TTLL7: variants seen among roughly 807,000 people sequenced by gnomAD.
TTLL7 encodes tubulin tyrosine ligase like 7.
Under a neutral mutation model 120.2 loss-of-function variants are expected in TTLL7, and 53 were observed. The ratio of observed to expected loss-of-function variants is 0.44; its 90% CI spans 0.35 to 0.55. The LOEUF (loss-of-function observed/expected upper bound fraction) is 0.55, where lower values mean the gene tolerates loss of function less well. TTLL7 is among the 20% of genes least tolerant of loss of function. The pLI is 0.00. For synonymous variants in TTLL7, 353 were observed against 351.7 expected, an observed-to-expected ratio of 1.00 and a Z score of -0.04; for missense variants, 803 against 1,054.7, an observed-to-expected ratio of 0.76 and a Z score of 3.31.
At chr1:83,951,271 C>A (rs1344435302) in intron 3 of TTLL7, among the ~76,000 whole-genome samples, 1 of 151,914 alleles carries the variant, frequency 6.6e-6, no homozygotes, top group African/African-American at 2.4e-5. Context: ...ATGGCGTGAA[C>A]CCGGGAGACG....
At chr1:83,956,009 A>G (rs1467032618) in intron 1 of TTLL7, among the ~76,000 whole-genome samples, 1 of 152,170 alleles carries the variant, frequency 6.6e-6, no homozygotes, top group Non-Finnish European at 1.5e-5. Context: ...ACAAACAACC[A>G]ATCAATTCAT....
chr1:83,975,842 T>C (rs1300357442), intron 1 of TTLL7, among the ~76,000 whole-genome samples: 3 of 152,152 alleles, frequency 2.0e-5, no homozygotes, highest in Non-Finnish European at 4.4e-5. Flanking sequence ...TACAGATTTT[T>C]GTTTCTGTTT....
chr1:83,984,527 G>A (rs1040736552), intron 1 of TTLL7, among the ~76,000 whole-genome samples: 1 of 152,158 alleles, frequency 6.6e-6, no homozygotes, highest in African/African-American at 2.4e-5. Flanking sequence ...ATCAACCGAG[G>A]TGCCCATCAA....
chr1:83,892,370 GAA>G lies in TTLL7; in HGVS notation c.2209-1891_2209-1890del, dbSNP rs1491555742. 2.8e-3 allele frequency among the ~76,000 whole-genome samples: 314 copies of G among 114,166 alleles called. 8 individuals are homozygous for G. Among genetic ancestry groups the G allele is most frequent in the African/African-American group, 8.7e-3 (242 of 27,712 alleles). The allele number at this position is 114,166 out of a possible 152,430, so 74.9% of individuals were successfully genotyped here. On this transcript the variant is annotated intron_variant, in intron 18 of 20. Transcript: ENST00000260505. Reference sequence around the variant, plus strand: ...TACGAATATATATGAATATATATACGAATATATATGAATATATATACGAATAT... The same window carrying G: ...TACGAATATATATGAATATATATACGTATATATGAATATATATACGAATAT...
rs1449530960 is a variant in TTLL7 at position 83,937,960 on chromosome 1, A to G, written c.780T>C (p.Phe260=). 2 of 1,614,090 alleles carry G rather than the reference A, an allele frequency of 1.2e-6. No homozygotes were observed. Residue 260 remains phenylalanine (F), a synonymous_variant, in exon 8 of 21, where the codon TTT becomes TTC. Coordinates refer to ENST00000260505, the MANE Select transcript of TTLL7 (RefSeq NM_024686.6). ...CTTTGTTCTCAGTTTCATCCCGTTC[A>G]AAATGCTCATTATGCTTGTTCACGG... The part of the protein sequence containing the change: ...NYSVNKHNEH[F]ERDETENKGS...
At chr1:83,953,224 G>A (rs949632206) in intron 1 of TTLL7, among the ~76,000 whole-genome samples, 11 of 152,130 alleles carry the variant, frequency 7.2e-5, no homozygotes, top group African/African-American at 2.2e-4. Context: ...ATATATGAAC[G>A]TAGGCATTTA....
At chr1:83,872,966 G>C (rs12123323) in intron 20 of TTLL7, among the ~76,000 whole-genome samples, 4,523 of 152,258 alleles carry the variant, frequency 0.03, 79 homozygotes, top group Middle Eastern at 0.082. Context: ...ATACAGGCTA[G>C]CTCCAGCAGC....
rs945428800 is a variant in TTLL7, at chr1:83,992,038, G to A, written c.-177+6893C>T. 3.9e-5 allele frequency among the ~76,000 whole-genome samples: 6 copies of A among 152,194 alleles called. 1 individual carries two copies. Among genetic ancestry groups the A allele is most frequent in the Middle Eastern group, 6.8e-3 (2 of 294 alleles). The stretch of plus-strand genomic sequence containing the variant: ...GTCAAGGATGAAAATAGGTCTTGAT[G>A]CATATTATATACTCAAGATAAATGT... On this transcript the variant is annotated intron_variant, in intron 1 of 20. Coordinates refer to ENST00000260505, the MANE Select transcript of TTLL7 (RefSeq NM_024686.6).
chr1:83,879,307 C>G (rs549762852), intron 20 of TTLL7, among the ~76,000 whole-genome samples: 1 of 151,990 alleles, frequency 6.6e-6, no homozygotes, highest in African/African-American at 2.4e-5. Flanking sequence ...CTTCTCTTCA[C>G]TCCTTGTGTT....
At chr1:83,984,470 G>A (rs1301390386) in intron 1 of TTLL7, among the ~76,000 whole-genome samples, 2 of 152,188 alleles carry the variant, frequency 1.3e-5, no homozygotes, top group Non-Finnish European at 2.9e-5. Context: ...ACATGCACTT[G>A]TATAATATGT....
intron 1 of TTLL7, among the ~76,000 whole-genome samples, chr1:83,985,648 G>A (rs927236349): frequency 1.3e-5 from 2 of 151,952 alleles, no homozygotes; most frequent in African/African-American, 2.4e-5. Flanking sequence ...CCAGGAGTTC[G>A]AGACCAACCT....
rs756018238 is a variant in TTLL7, at chr1:83,921,388, A to G, written c.1149T>C (p.Ser383=). ...NALKLLNIRT[S]DKRRNLAKQK... ...GTTTGGCCAAGTTTCTTCTTTTGTC[A>G]CTGGTCCTAAAATATAAAACATAAG... is the stretch of plus-strand genomic sequence containing the variant. The change falls in exon 11 of 21, where the codon AGT becomes AGC. Residue 383 remains serine (S), a synonymous_variant. Transcript: ENST00000260505. The G allele has an allele frequency of 6.2e-7, 1 of 1,610,880 alleles. No homozygotes were observed.
intron 12 of TTLL7, among the ~76,000 whole-genome samples, chr1:83,920,344 G>A (rs1467523551): frequency 6.6e-6 from 1 of 152,044 alleles, no homozygotes; most frequent in Non-Finnish European, 1.5e-5. Context: ...TACTGCAGGA[G>A]TGTTTTTACT....
intron 20 of TTLL7, 94 bp from the exon 21 acceptor site, chr1:83,870,176 G>C (rs747378055): frequency 8.4e-7 from 1 of 1,193,040 alleles, no homozygotes; most frequent in Non-Finnish European, 1.1e-6. Context: ...TAGTCTATAT[G>C]AGAAATGTTA....
chr1:83,959,150 G>T lies in TTLL7; in HGVS notation c.-176-6763C>A, dbSNP rs554058040. 9.1e-4 allele frequency among the ~76,000 whole-genome samples: 138 copies of T among 152,314 alleles called. 1 individual carries two copies. The South Asian group carries it at 0.019, about 21-fold the overall frequency. ...CTGAACTTGAGCATCAGTATCATCT[G>T]CAAACTTCTTAGAAATGCATATTCT... On this transcript the variant is annotated intron_variant, in intron 1 of 20. Coordinates refer to ENST00000260505, the MANE Select transcript of TTLL7 (RefSeq NM_024686.6).
chr1:83,921,157 C>G lies in TTLL7; in HGVS notation c.1294G>C (p.Glu432Gln). The G allele has an allele frequency of 6.2e-7, 1 of 1,611,864 alleles. No homozygotes were observed. Among genetic ancestry groups the G allele is most frequent in the Non-Finnish European group, 8.5e-7 (1 of 1,179,352 alleles). Residue 432 changes from glutamate (E) to glutamine (Q), a missense_variant, in exon 12 of 21, where the codon GAG (glutamate) becomes CAG (glutamine). By Grantham distance (29) the Glu-to-Gln change is conservative. Coordinates refer to ENST00000260505, the MANE Select transcript of TTLL7 (RefSeq NM_024686.6). ...QLERRKEELKERLAQVRKQIS... is the reference protein window; with the variant it reads ...QLERRKEELKQRLAQVRKQIS... ...TGCTTTCGTACTTGAGCGAGTCTCT[C>G]TTTCTGGAAATGAGAAAAATTTTAC... is the stretch of plus-strand genomic sequence containing the variant.
chr1:83,882,923 T>G (rs1654641423), intron 20 of TTLL7, 40 bp downstream of exon 20: 1 of 1,586,940 alleles, frequency 6.3e-7, no homozygotes, highest in Non-Finnish European at 8.5e-7. Flanking sequence ...AGCATTACTT[T>G]ACATAAAACT....
chr1:83,906,605 A>C, intron 16 of TTLL7, 142 bp from the exon 17 acceptor site: 1 of 1,192,052 alleles, frequency 8.4e-7, no homozygotes, highest in East Asian at 2.6e-5. Flanking sequence ...TTTCTTTTAC[A>C]CTTGTGAATT....
chr1:83,947,065 T>C lies in TTLL7; in HGVS notation c.506+59A>G. 5 of 1,409,374 alleles carry C rather than the reference T, an allele frequency of 3.5e-6. No individual in the cohort carries two copies. The South Asian group carries it at 7.1e-5, about 20-fold the overall frequency. 87.3% of individuals were successfully genotyped at this position (1,409,374 alleles called of 1,614,324 possible). On this transcript the variant is annotated intron_variant, in intron 6 of 20. Transcript: ENST00000260505. ...ACGCATGAGTAATTATGCACATTTA[T>C]TCTCCCCACTCCCAAATTTTTTTTT...
Sources: allele counts gnomAD v4.1 joint callset (sites outside exome capture counted in the v4.1 genomes callset), GRCh38; gene constraint gnomAD v4.1.1; transcripts MANE v1.5; gene names NCBI Gene and HGNC (gene_info 2026-07-23, HGNC 2026-07-21).